The following HDAC9 variants were observed in gnomAD, a reference collection of about 807,000 sequenced individuals.
HDAC9 encodes MEF-2 interacting transcription repressor (MITR) protein.
Under a neutral mutation model 139.4 loss-of-function variants are expected in HDAC9, and 41 were observed. The observed-to-expected ratio is 0.29, with a 90% CI of 0.23 to 0.38. The LOEUF is 0.38. Among genes scored for constraint, HDAC9 ranks in the 10% least tolerant of loss-of-function variants. HDAC9 has a pLI of 1.00. For missense variants in HDAC9, 1,147 were observed against 1,297.0 expected (o/e 0.88, Z 1.78); for synonymous variants, 517 against 476.2 (o/e 1.09, Z -1.12).
At chr7:18,282,678 G>T (rs542577687) in intron 2 of HDAC9, among the ~76,000 whole-genome samples, 2 of 152,180 alleles carry the variant, frequency 1.3e-5, no homozygotes, top group East Asian at 3.9e-4. Flanking sequence ...TGTTGCAATT[G>T]AACTTCACAG....
chr7:18,841,682 T>G (rs892754554), intron 21 of HDAC9, among the ~76,000 whole-genome samples: 1 of 152,138 alleles, frequency 6.6e-6, no homozygotes, highest in African/African-American at 2.4e-5. Flanking sequence ...AACAATCATA[T>G]AGCGAAAAAT....
intron 1 of HDAC9, among the ~76,000 whole-genome samples, chr7:18,321,261 G>C (rs961391169): frequency 3.3e-5 from 5 of 152,014 alleles, no homozygotes; most frequent in African/African-American, 1.2e-4. Context: ...CTCCTCCCTG[G>C]TTAACTCCAG....
intron 2 of HDAC9, among the ~76,000 whole-genome samples, chr7:18,273,741 G>A (rs772161585): frequency 1.3e-5 from 2 of 152,096 alleles, no homozygotes; most frequent in Non-Finnish European, 1.5e-5. Flanking sequence ...CAAAGAATTA[G>A]CATTCAGAAT....
At chr7:18,811,600 A>T (rs1462806785) in intron 17 of HDAC9, among the ~76,000 whole-genome samples, 1 of 151,902 alleles carries the variant, frequency 6.6e-6, no homozygotes. Context: ...CATTTTCTGT[A>T]GAGCTTTAAT....
intron 2 of HDAC9, among the ~76,000 whole-genome samples, chr7:18,276,262 T>G (rs1796711551): frequency 6.6e-6 from 1 of 152,204 alleles, no homozygotes; most frequent in African/African-American, 2.4e-5. Context: ...GCACATTGAA[T>G]AGGTAGCTCA....
intron 1 of HDAC9, among the ~76,000 whole-genome samples, chr7:18,456,862 A>T (rs974766876): frequency 1.3e-5 from 2 of 152,226 alleles, no homozygotes; most frequent in African/African-American, 4.8e-5. Context: ...GTTCCAAGTT[A>T]AAAATGTCCA....
At chr7:18,303,401 GTGTGTGTGTGTGTGTGTGTGTGTT>G (rs1463607063) in intron 1 of HDAC9, among the ~76,000 whole-genome samples, 11 of 141,070 alleles carry the variant, frequency 7.8e-5, no homozygotes, top group African/African-American at 2.8e-4. Context: ...GTGTGTGTGT[GTGTGTGTGTGTGTGTGTGTGTGTT>G]TTTAGTAGAG....
intron 1 of HDAC9, among the ~76,000 whole-genome samples, chr7:18,483,238 G>A (rs1795719705): frequency 6.6e-6 from 1 of 152,100 alleles, no homozygotes; most frequent in African/African-American, 2.4e-5. Context: ...TATGTAAATG[G>A]GTGTCTCAAG....
At chr7:18,986,653 A>C (rs1397710117) in intron 25 of HDAC9, among the ~76,000 whole-genome samples, 1 of 151,734 alleles carries the variant, frequency 6.6e-6, no homozygotes, top group Non-Finnish European at 1.5e-5. Flanking sequence ...TCTGTAAATT[A>C]CCTTGGGCAG....
intron 24 of HDAC9, among the ~76,000 whole-genome samples, chr7:18,972,006 C>G (rs1199400340): frequency 2.6e-5 from 4 of 152,198 alleles, no homozygotes; most frequent in Admixed American, 2.6e-4. Context: ...GCCTAGACCT[C>G]TCCTGTTGAG....
At chr7:18,668,685 A>G in intron 12 of HDAC9, 7 of 977,304 alleles carry the variant, frequency 7.2e-6, no homozygotes, top group Non-Finnish European at 8.5e-6. Context: ...CTTAGAATTA[A>G]TTGATAAATG....
chr7:18,560,607 T>C (rs2128704873), intron 2 of HDAC9, among the ~76,000 whole-genome samples: 1 of 152,304 alleles, frequency 6.6e-6, no homozygotes, highest in Middle Eastern at 3.4e-3. Flanking sequence ...TGCGTTTTTC[T>C]CTTCAACTTA....
chr7:18,990,413 C>T (rs1785793481), intron 25 of HDAC9, among the ~76,000 whole-genome samples: 1 of 152,238 alleles, frequency 6.6e-6, no homozygotes, highest in South Asian at 2.1e-4. Context: ...GTTTTCAGAT[C>T]TCCAGCTGCG....
intron 20 of HDAC9, 100 bp downstream of exon 20, chr7:18,835,686 A>C: frequency 2.0e-6 from 3 of 1,479,330 alleles, no homozygotes; most frequent in Non-Finnish European, 1.9e-6. Context: ...TGGTGTTTTA[A>C]ATTACACGAG....
Position 18,841,188 on chromosome 7 carries a change from T to C in HDAC9, c.2684+5191T>C, listed in dbSNP as rs374271468. 2.0e-5 allele frequency among the ~76,000 whole-genome samples: 3 copies of C among 152,218 alleles called. No homozygotes were observed. In the East Asian group the frequency reaches 5.8e-4, roughly 29 times the overall value. On this transcript the variant is annotated intron_variant, in intron 21 of 25. Coordinates refer to ENST00000686413, the MANE Select transcript of HDAC9 (RefSeq NM_178425.4). ...GATTAACTTCTAAATATTCTTGTTATATGTATAAACTGAAAAAGAGGTTTC... is the reference window on the plus strand; with the variant it reads ...GATTAACTTCTAAATATTCTTGTTACATGTATAAACTGAAAAAGAGGTTTC...
chr7:18,773,431 A>C (rs1453035040), intron 16 of HDAC9, among the ~76,000 whole-genome samples: 1 of 151,278 alleles, frequency 6.6e-6, no homozygotes, highest in Non-Finnish European at 1.5e-5. Context: ...ATTTCCACCA[A>C]AGTAATGTCA....
chr7:18,611,857 T>G (rs1249893581), intron 6 of HDAC9, among the ~76,000 whole-genome samples: 4 of 152,158 alleles, frequency 2.6e-5, no homozygotes, highest in African/African-American at 9.6e-5. Flanking sequence ...TGATGAGAGA[T>G]ATTTTCAATG....
chr7:18,307,753 A>G (rs1173136893), intron 1 of HDAC9, among the ~76,000 whole-genome samples: 1 of 152,184 alleles, frequency 6.6e-6, no homozygotes, highest in African/African-American at 2.4e-5. Flanking sequence ...CAGTGAGCCA[A>G]AATTGTGCCG....
At chr7:18,376,204 G>T (rs577294842) in intron 1 of HDAC9, among the ~76,000 whole-genome samples, 82 of 152,160 alleles carry the variant, frequency 5.4e-4, no homozygotes, top group African/African-American at 1.6e-3. Context: ...CACTGATGTT[G>T]CTTGGGCCAT....
Sources: allele counts gnomAD v4.1 joint callset (sites outside exome capture counted in the v4.1 genomes callset), GRCh38; gene constraint gnomAD v4.1.1; transcripts MANE v1.5; gene names NCBI Gene and HGNC (gene_info 2026-07-23, HGNC 2026-07-21).